Variants in CLPTM1L observed in about 807,000 individuals in gnomAD.
The protein encoded by CLPTM1L is lipid scramblase CLPTM1L.
Under a neutral mutation model 70.9 loss-of-function variants are expected in CLPTM1L, and 38 were observed. That is an observed-to-expected ratio of 0.54 (90% CI 0.41 to 0.70). CLPTM1L has a LOEUF of 0.70. Ranked by LOEUF, CLPTM1L falls within the 30% of genes least tolerant of loss-of-function variation. The pLI is 0.00. For synonymous variants in CLPTM1L, 339 were observed against 299.9 expected, an observed-to-expected ratio of 1.13 and a Z score of -1.35; for missense variants, 652 against 705.9, an observed-to-expected ratio of 0.92 and a Z score of 0.87.
At chr5:1,321,485 TA>T in intron 15 of CLPTM1L, 149 bp downstream of exon 15, 1 of 701,230 alleles carries the variant, frequency 1.4e-6, no homozygotes, top group Admixed American at 2.6e-5. Flanking sequence ...CTTTTTTTTT[TA>T]AAGGAGCCTC....
At position 1,325,737 on chromosome 5, in the gene CLPTM1L, C is replaced by T. The variant is rs752284074; in HGVS notation, c.1146+14G>A. ...AGAGAGGCTTGGGGTTCAGCCATTA[C>T]AACTAAATCCTACCTGAAATTCGGG... On this transcript the variant is annotated intron_variant, in intron 10 of 16. Coordinates refer to ENST00000320895, the MANE Select transcript of CLPTM1L (RefSeq NM_030782.5). 56 of 1,610,192 alleles carry T rather than the reference C, an allele frequency of 3.5e-5. No homozygotes were observed. The highest frequency in any genetic ancestry group is 4.7e-5 in the Non-Finnish European group (55 of 1,176,622).
At chr5:1,328,727 C>A (rs138284019) in intron 9 of CLPTM1L, among the ~76,000 whole-genome samples, 1,214 of 133,596 alleles carry the variant, frequency 9.1e-3, no homozygotes, top group African/African-American at 0.037. Flanking sequence ...AGCTCCTCCT[C>A]TACAGACACA....
In CLPTM1L at chr5:1,342,640, T is replaced by C. The variant is rs1044125484; in HGVS notation, c.264-780A>G. 2.0e-5 allele frequency among the ~76,000 whole-genome samples: 3 copies of C among 152,202 alleles called. No homozygotes were observed. Among genetic ancestry groups the C allele is most frequent in the Admixed American group, 2.0e-4 (3 of 15,278 alleles). Reference sequence around the variant, plus strand: ...GGTCTCGCTGTCACCAGGCTGAAAGTGTAGGGGTGCAATCACAGCTCACTG... The same window carrying C: ...GGTCTCGCTGTCACCAGGCTGAAAGCGTAGGGGTGCAATCACAGCTCACTG... On this transcript the variant is annotated intron_variant, in intron 2 of 16. Transcript: ENST00000320895. This position sits in a 1 kb window ranked among gnomAD's most constrained non-coding sequence, Gnocchi z 4.3.
intron 7 of CLPTM1L, among the ~76,000 whole-genome samples, chr5:1,333,136 A>G (rs1753242460): frequency 2.4e-5 from 2 of 84,944 alleles, no homozygotes; most frequent in African/African-American, 6.1e-5. Flanking sequence ...ATAAGGGGGG[A>G]CTACTGTATA....
chr5:1,336,127 C>T (rs1055752892), intron 5 of CLPTM1L, among the ~76,000 whole-genome samples: 13 of 152,232 alleles, frequency 8.5e-5, no homozygotes, highest in African/African-American at 3.1e-4. Flanking sequence ...CATCAGTGCA[C>T]ATGGATGGTG....
At chr5:1,332,464 T>C (rs1753157630) in intron 7 of CLPTM1L, 1 of 152,364 alleles carries the variant, frequency 6.6e-6, no homozygotes. Context: ...AGTACGGCTT[T>C]GGAAAGTTTT....
intron 8 of CLPTM1L, chr5:1,331,236 A>C (rs1487255742): frequency 6.5e-6 from 1 of 154,694 alleles, no homozygotes; most frequent in Non-Finnish European, 1.4e-5. Context: ...CACTGGTCCC[A>C]GATCTTGGCA....
intron 5 of CLPTM1L, among the ~76,000 whole-genome samples, chr5:1,336,240 A>G (rs1753571063): frequency 6.6e-6 from 1 of 152,234 alleles, no homozygotes; most frequent in African/African-American, 2.4e-5. Flanking sequence ...GACTTCCTGC[A>G]CCTGCTGCAT....
intron 3 of CLPTM1L, among the ~76,000 whole-genome samples, chr5:1,340,536 G>A (rs1753873836): frequency 2.0e-5 from 3 of 152,272 alleles, no homozygotes; most frequent in South Asian, 4.1e-4. Context: ...GGCTTCCTGC[G>A]CTACATGCTA....
At chr5:1,333,882 C>G (rs1186496770) in intron 7 of CLPTM1L, among the ~76,000 whole-genome samples, 1 of 152,082 alleles carries the variant, frequency 6.6e-6, no homozygotes, top group Non-Finnish European at 1.5e-5. Flanking sequence ...TACAAGAGAA[C>G]TACTTTCTGC....
At chr5:1,333,008 AATACTGTAGACACACCGGATAAGGGGG>A (rs1753216838) in intron 7 of CLPTM1L, among the ~76,000 whole-genome samples, 1 of 141,962 alleles carries the variant, frequency 7.0e-6, no homozygotes, top group African/African-American at 2.7e-5. Flanking sequence ...ATAAGGGGGG[AATACTGTAGACACACCGGATAAGGGGG>A]GACTACTGTA....
intron 7 of CLPTM1L, 97 bp downstream of exon 7, chr5:1,334,192 G>A (rs1305520829): frequency 3.7e-6 from 3 of 802,168 alleles, no homozygotes; most frequent in African/African-American, 1.7e-5. Context: ...AGGGCTGGAC[G>A]GCGCCCACAA....
At chr5:1,332,675 C>T (rs1034639348) in intron 7 of CLPTM1L, among the ~76,000 whole-genome samples, 2 of 152,300 alleles carry the variant, frequency 1.3e-5, no homozygotes, top group Non-Finnish European at 1.5e-5. Flanking sequence ...CGGAGCAGTG[C>T]GATGAGACAG....
At chr5:1,344,329 G>T in intron 2 of CLPTM1L, 22 bp downstream of exon 2, 1 of 1,475,054 alleles carries the variant, frequency 6.8e-7, no homozygotes, top group Non-Finnish European at 9.5e-7. Flanking sequence ...CCTTTCACTG[G>T]CATTTTGTCC....
intron 13 of CLPTM1L, among the ~76,000 whole-genome samples, chr5:1,322,543 C>T (rs975640940): frequency 1.3e-5 from 2 of 152,232 alleles, no homozygotes; most frequent in African/African-American, 4.8e-5. Context: ...TCATGCACCA[C>T]ACAATGCTGT....
intron 14 of CLPTM1L, 40 bp downstream of exon 14, chr5:1,321,724 G>A (rs754824336): frequency 4.3e-6 from 7 of 1,613,760 alleles, no homozygotes; most frequent in Non-Finnish European, 5.9e-6. Context: ...GGCAGCACAG[G>A]AGACGGGGGC....
intron 9 of CLPTM1L, 43 bp from the exon 10 acceptor site, chr5:1,325,859 GC>G: frequency 6.4e-7 from 1 of 1,565,226 alleles, no homozygotes; most frequent in Non-Finnish European, 8.8e-7. Context: ...ATATTCGAAG[GC>G]CAGGAGCCAC....
At position 1,342,072 on chromosome 5, in the gene CLPTM1L, G is replaced by GCA. The variant is rs568675604; in HGVS notation, c.264-214_264-213dup. ...CACGCGTGCGCGTCCTGAGAACTCG[G>GCA]CACAGGTGTGGGCGCCTACAGCCGA... On this transcript the variant is annotated intron_variant, in intron 2 of 16. Transcript: ENST00000320895. The surrounding 1 kb of genome is among the most constrained non-coding windows in gnomAD (Gnocchi z 4.3). Among the ~76,000 whole-genome samples, 86 of 151,326 alleles carry GCA rather than the reference G, an allele frequency of 5.7e-4. No homozygotes were observed. The highest frequency in any genetic ancestry group is 2.1e-3 in the African/African-American group (85 of 40,956).
At chr5:1,328,327 ACACATTTCATCCAGCTCCTCCTCTACG>A (rs1254116882) in intron 9 of CLPTM1L, among the ~76,000 whole-genome samples, 2 of 74,920 alleles carry the variant, frequency 2.7e-5, no homozygotes, top group African/African-American at 6.1e-5. Context: ...TCCTCTACGG[ACACATTTCATCCAGCTCCTCCTCTACG>A]GACACATTTC....
Sources: allele counts gnomAD v4.1 joint callset (sites outside exome capture counted in the v4.1 genomes callset), GRCh38; gene constraint gnomAD v4.1.1; non-coding constraint Gnocchi (gnomAD v3.1); transcripts MANE v1.5; gene names NCBI Gene and HGNC (gene_info 2026-07-23, HGNC 2026-07-21).